WASHC2C: variants seen among roughly 807,000 people sequenced by gnomAD.
WASHC2C encodes Vaccinia Penetration Factor.
A neutral mutation model predicts 142.2 loss-of-function variants in WASHC2C; 73 were observed. The ratio of observed to expected loss-of-function variants is 0.51; its 90% CI spans 0.43 to 0.62. The LOEUF is 0.62. WASHC2C is among the 20% of genes least tolerant of loss of function. WASHC2C has a pLI of 0.00. For missense variants in WASHC2C, 969 were observed against 1,531.7 expected (o/e 0.63, Z 6.13); for synonymous variants, 337 against 565.5 (o/e 0.60, Z 5.73).
At chr10:45,769,981 C>G (rs1554884017) in intron 20 of WASHC2C, among the ~76,000 whole-genome samples, 3 of 151,944 alleles carry the variant, frequency 2.0e-5, no homozygotes, top group Non-Finnish European at 4.4e-5. Flanking sequence ...TGGCTCACGC[C>G]TGTAATCCCA....
chr10:45,754,784 G>A (rs1322061584), intron 14 of WASHC2C, among the ~76,000 whole-genome samples, 152 bp from the exon 15 acceptor site: 1 of 152,158 alleles, frequency 6.6e-6, no homozygotes, highest in East Asian at 1.9e-4. Context: ...GAGATGTTCT[G>A]TAGCAGTAAT....
chr10:45,730,662 C>G (rs2050455938), intron 3 of WASHC2C, among the ~76,000 whole-genome samples: 1 of 150,580 alleles, frequency 6.6e-6, no homozygotes, highest in Non-Finnish European at 1.5e-5. Context: ...CTCTGTCACC[C>G]AGGCTGGAGT....
chr10:45,780,540 C>T (rs569074804), intron 23 of WASHC2C, among the ~76,000 whole-genome samples: 2 of 152,238 alleles, frequency 1.3e-5, no homozygotes, highest in African/African-American at 4.8e-5. Context: ...AAAAGGCATT[C>T]AGATTGGAAA....
chr10:45,768,647 A>G (rs1336709350), intron 19 of WASHC2C, among the ~76,000 whole-genome samples: 1 of 152,206 alleles, frequency 6.6e-6, no homozygotes, highest in African/African-American at 2.4e-5. Flanking sequence ...TAAAGGCCAC[A>G]TTCAGACTTG....
At chr10:45,752,258 G>C (rs1168902116) in intron 11 of WASHC2C, among the ~76,000 whole-genome samples, 1 of 152,274 alleles carries the variant, frequency 6.6e-6, no homozygotes, top group African/African-American at 2.4e-5. Flanking sequence ...CCTTCCCCCA[G>C]ATTGGTTGGG....
intron 17 of WASHC2C, among the ~76,000 whole-genome samples, chr10:45,762,311 CAAGCAATT>C (rs1554880311): frequency 1.1e-4 from 17 of 152,158 alleles, no homozygotes; most frequent in African/African-American, 3.4e-4. Flanking sequence ...CTTCCAGGTT[CAAGCAATT>C]CTCCTGCCAC....
At chr10:45,770,171 G>A (rs571804908) in intron 20 of WASHC2C, among the ~76,000 whole-genome samples, 3 of 151,126 alleles carry the variant, frequency 2.0e-5, no homozygotes, top group African/African-American at 7.3e-5. Context: ...AACTCGGGAG[G>A]TGGAGGTTGC....
chr10:45,732,500 A>G (rs1413029833), intron 3 of WASHC2C, among the ~76,000 whole-genome samples: 3 of 152,216 alleles, frequency 2.0e-5, no homozygotes, highest in African/African-American at 4.8e-5. Context: ...AGCAAGTGCC[A>G]TAGTTAATGA....
chr10:45,734,763 C>T (rs2051016405), intron 3 of WASHC2C, among the ~76,000 whole-genome samples: 1 of 152,038 alleles, frequency 6.6e-6, no homozygotes, highest in South Asian at 2.1e-4. Context: ...CCCTCTGTTG[C>T]CCAGGCTGGA....
intron 19 of WASHC2C, 138 bp from the exon 20 acceptor site, chr10:45,769,311 G>C: frequency 1.5e-6 from 2 of 1,372,866 alleles, no homozygotes; most frequent in Non-Finnish European, 2.0e-6. Context: ...GTAGAGATGG[G>C]GTTTCACCGT....
Position 45,785,313 on chromosome 10 carries a change from T to C in WASHC2C, c.2689-196T>C, listed in dbSNP as rs2057951203. On this transcript the variant is annotated intron_variant, in intron 25 of 30. Coordinates refer to ENST00000623400, the MANE Select transcript of WASHC2C (RefSeq NM_001330074.2). ...TTTTTGTAAGTACTCTGTTTTCTTT[T>C]TATCATAGAGAGGACTCCTGTGACA... Among the ~76,000 whole-genome samples the C allele has an allele frequency of 2.6e-5, 4 of 152,168 alleles. No homozygotes were observed. The South Asian group carries it at 8.3e-4, about 32-fold the overall frequency.
upstream of WASHC2C, chr10:45,727,246 C>T: frequency 6.5e-7 from 1 of 1,531,128 alleles, no homozygotes; most frequent in South Asian, 1.2e-5. Flanking sequence ...TTGGCTGGGG[C>T]TAGGCTTCCG....
intron 5 of WASHC2C, among the ~76,000 whole-genome samples, chr10:45,742,304 C>CTTTT (rs2052184355): frequency 6.6e-6 from 1 of 151,852 alleles, no homozygotes. Flanking sequence ...GAGTTATAAT[C>CTTTT]TTTTTTATTT....
At chr10:45,736,196 A>G (rs1386004762) in intron 3 of WASHC2C, among the ~76,000 whole-genome samples, 1 of 151,350 alleles carries the variant, frequency 6.6e-6, no homozygotes. Context: ...TCATGAGGTC[A>G]GATTGAGACC....
chr10:45,746,778 A>C lies in WASHC2C; in HGVS notation c.732+131A>C. 9 of 1,335,600 alleles carry C rather than the reference A, an allele frequency of 6.7e-6. No individual in the cohort carries two copies. The South Asian group carries it at 7.6e-5, about 11-fold the overall frequency. The allele number at this position is 1,335,600 out of a possible 1,614,324, so 82.7% of individuals were successfully genotyped here. ...CATGTATACAATTTATTTTCCTTTA[A>C]GCATTTCATGTATTTAGGCTAACTA... is the stretch of plus-strand genomic sequence containing the variant. On this transcript the variant is annotated intron_variant, in intron 8 of 30. Coordinates refer to ENST00000623400, the MANE Select transcript of WASHC2C (RefSeq NM_001330074.2).
intron 14 of WASHC2C, 51 bp downstream of exon 14, chr10:45,754,596 G>A: frequency 6.8e-7 from 1 of 1,468,424 alleles, no homozygotes. Flanking sequence ...ACTGTTTTTT[G>A]CATTTCAAAA....
intron 29 of WASHC2C, among the ~76,000 whole-genome samples, chr10:45,789,822 C>A (rs1198207855): frequency 1.4e-5 from 2 of 147,110 alleles, no homozygotes; most frequent in Non-Finnish European, 2.9e-5. Flanking sequence ...TACAGCTCCA[C>A]TGGTCCAGCT....
chr10:45,761,415 G>T (rs556732143), intron 17 of WASHC2C, among the ~76,000 whole-genome samples: 1 of 152,166 alleles, frequency 6.6e-6, no homozygotes, highest in Admixed American at 6.5e-5. Flanking sequence ...CAGGTTTATG[G>T]GGAGAGGCCA....
At chr10:45,766,549 T>C (rs1445925657) in intron 19 of WASHC2C, among the ~76,000 whole-genome samples, 1 of 146,118 alleles carries the variant, frequency 6.8e-6, no homozygotes. Context: ...TGAGGTAGCA[T>C]GTCCCGTATA....
Sources: allele counts gnomAD v4.1 joint callset (sites outside exome capture counted in the v4.1 genomes callset), GRCh38; gene constraint gnomAD v4.1.1; transcripts MANE v1.5; gene names NCBI Gene and HGNC (gene_info 2026-07-23, HGNC 2026-07-21).